Variants in ATXN2 observed in about 807,000 individuals in gnomAD.
ATXN2 encodes ataxin-2.
A neutral mutation model predicts 138.6 loss-of-function variants in ATXN2; 37 were observed. The observed-to-expected ratio is 0.27, with a 90% CI of 0.21 to 0.35. ATXN2 has a LOEUF of 0.35. Ranked by LOEUF, ATXN2 falls within the 10% of genes least tolerant of loss-of-function variation. ATXN2 has a pLI of 1.00. For synonymous variants in ATXN2, 549 were observed against 543.7 expected, an observed-to-expected ratio of 1.01 and a Z score of -0.13; for missense variants, 1,216 against 1,480.3, an observed-to-expected ratio of 0.82 and a Z score of 2.93.
At chr12:111,588,991 C>CAAAAAAAAAAAAAAAAAAA (rs58116265) in intron 1 of ATXN2, among the ~76,000 whole-genome samples, 1 of 38,708 alleles carries the variant, frequency 2.6e-5, no homozygotes, top group African/African-American at 6.3e-5. Flanking sequence ...CGAGATTTCT[C>CAAAAAAAAAAAAAAAAAAA]AAAAAAAAAA....
In ATXN2 at chr12:111,567,868, T is replaced by C. The variant is rs542615446; in HGVS notation, c.252-11949A>G. ...CTGTCTTATTCACTGTGTTACTTAATTAACAAGCAAAACAATATACACAAA... is the reference window on the plus strand; with the variant it reads ...CTGTCTTATTCACTGTGTTACTTAACTAACAAGCAAAACAATATACACAAA... On this transcript the variant is annotated intron_variant, in intron 1 of 24. Coordinates refer to ENST00000673436, the MANE Select transcript of ATXN2 (RefSeq NM_001372574.1). Among the ~76,000 whole-genome samples the C allele has an allele frequency of 2.6e-5, 4 of 152,266 alleles. No homozygotes were observed. The South Asian group carries it at 8.3e-4, about 32-fold the overall frequency.
At chr12:111,493,351 T>TG (rs1878169178) in intron 14 of ATXN2, among the ~76,000 whole-genome samples, 1 of 140,066 alleles carries the variant, frequency 7.1e-6, no homozygotes. Context: ...ACCTGGGAGT[T>TG]GGAGGTTGTA....
chr12:111,492,356 C>G (rs1878090642), intron 14 of ATXN2, among the ~76,000 whole-genome samples: 1 of 152,164 alleles, frequency 6.6e-6, no homozygotes, highest in Admixed American at 6.6e-5. Flanking sequence ...GATGACAACA[C>G]TTAATTCCCT....
intron 1 of ATXN2, among the ~76,000 whole-genome samples, chr12:111,567,833 G>A (rs950734979): frequency 2.0e-5 from 3 of 152,050 alleles, no homozygotes; most frequent in African/African-American, 4.8e-5. Flanking sequence ...GTACATTTTC[G>A]TATGTTTGTC....
At chr12:111,478,706 TTGAAA>T (rs1470564369) in intron 18 of ATXN2, among the ~76,000 whole-genome samples, 1 of 152,134 alleles carries the variant, frequency 6.6e-6, no homozygotes, top group Non-Finnish European at 1.5e-5. Flanking sequence ...TTCTTATTAA[TTGAAA>T]TATGTATTTA....
intron 1 of ATXN2, chr12:111,597,823 G>C (rs745653435): frequency 1.5e-5 from 19 of 1,263,556 alleles, no homozygotes; most frequent in Non-Finnish European, 2.0e-5. Flanking sequence ...ATTGGGGCGG[G>C]GGTTGGGATA....
chr12:111,453,344 T>C lies in ATXN2; in HGVS notation c.3439+333A>G, dbSNP rs1451530720. 18 of 1,097,256 alleles carry C rather than the reference T, an allele frequency of 1.6e-5. No individual in the cohort carries two copies. The highest frequency in any genetic ancestry group is 6.1e-5 in the East Asian group (1 of 16,368). The allele number at this position is 1,097,256 out of a possible 1,614,324, so 68.0% of individuals were successfully genotyped here. A position where few individuals can be genotyped will look rare whatever the true frequency, so the allele number is the denominator to read the frequency against. On this transcript the variant is annotated intron_variant, in intron 24 of 24. Transcript: ENST00000673436. The surrounding 1 kb of genome is among the most constrained non-coding windows in gnomAD (Gnocchi z 5.4). ...AATAACCCCCCACATGTCAGACTTTTGGGACTCAGGAAGGAAAACACTGCC... is the reference window on the plus strand; with the variant it reads ...AATAACCCCCCACATGTCAGACTTTCGGGACTCAGGAAGGAAAACACTGCC...
chr12:111,542,352 TC>T (rs1256354746), intron 5 of ATXN2, among the ~76,000 whole-genome samples: 2 of 152,116 alleles, frequency 1.3e-5, no homozygotes, highest in East Asian at 3.9e-4. Context: ...TGCCTCAGCC[TC>T]CCAAGTAGCT....
At chr12:111,504,046 C>G (rs1878952708) in intron 14 of ATXN2, among the ~76,000 whole-genome samples, 1 of 152,156 alleles carries the variant, frequency 6.6e-6, no homozygotes, top group Admixed American at 6.5e-5. Flanking sequence ...TATGTTGCTC[C>G]TTCTTGGAAT....
chr12:111,593,584 G>T (rs1884786394), intron 1 of ATXN2, among the ~76,000 whole-genome samples: 1 of 148,678 alleles, frequency 6.7e-6, no homozygotes, highest in Non-Finnish European at 1.5e-5. Context: ...GAATCTTTAA[G>T]CAACTACAGG....
chr12:111,574,380 T>G (rs113660335), intron 1 of ATXN2, among the ~76,000 whole-genome samples: 2 of 151,366 alleles, frequency 1.3e-5, no homozygotes, highest in African/African-American at 4.8e-5. Context: ...ACAACTAAAT[T>G]CCCTGAATTC....
chr12:111,472,054 C>T (rs1876454056), intron 18 of ATXN2: 1 of 152,160 alleles, frequency 6.6e-6, no homozygotes, highest in Non-Finnish European at 1.5e-5. Context: ...TGCTTGAGCT[C>T]ATGAGTTTGG....
chr12:111,534,394 C>A (rs1881025247), intron 5 of ATXN2, among the ~76,000 whole-genome samples: 1 of 151,752 alleles, frequency 6.6e-6, no homozygotes, highest in South Asian at 2.1e-4. Flanking sequence ...AGAGTGAGAC[C>A]CCGTATATAA....
At position 111,599,303 on chromosome 12, in the gene ATXN2, G is replaced by C. The variant is rs879391188; in HGVS notation, c.-269C>G. The C allele has an allele frequency of 1.4e-5, 16 of 1,184,218 alleles. No homozygotes were observed. In the African/African-American group the frequency reaches 1.9e-4, roughly 14 times the overall value. 73.4% of individuals were successfully genotyped at this position (1,184,218 alleles called of 1,614,324 possible). On this transcript the variant is annotated 5_prime_UTR_variant, in exon 1 of 25. Transcript: ENST00000673436. ...GCTACCAAAACAGTCTGAGGCGGAGGGAGGCGAGCTCTGCCGGGAGGGAGG... is the reference window on the plus strand; with the variant it reads ...GCTACCAAAACAGTCTGAGGCGGAGCGAGGCGAGCTCTGCCGGGAGGGAGG...
At position 111,539,029 on chromosome 12, in the gene ATXN2, C is replaced by T. The variant is rs772354252; in HGVS notation, c.571+13251G>A. ...TTCCCACACTATCTCCTAAAAAGAT[C>T]AAAAGAAGTTTTAGAAAAGATTCCA... On this transcript the variant is annotated intron_variant, in intron 5 of 24. Coordinates refer to ENST00000673436, the MANE Select transcript of ATXN2 (RefSeq NM_001372574.1). 2.3e-4 allele frequency among the ~76,000 whole-genome samples: 34 copies of T among 150,164 alleles called. 1 individual carries two copies. Among genetic ancestry groups the T allele is most frequent in the Non-Finnish European group, 4.3e-4 (29 of 67,060 alleles).
At chr12:111,495,756 A>C (rs1878382447) in intron 14 of ATXN2, among the ~76,000 whole-genome samples, 1 of 152,196 alleles carries the variant, frequency 6.6e-6, no homozygotes, top group South Asian at 2.1e-4. Context: ...ACATATTTAC[A>C]GAACATTGTG....
chr12:111,588,220 T>TAAATAAATAAAA (rs1158535650), intron 1 of ATXN2, among the ~76,000 whole-genome samples: 3 of 151,152 alleles, frequency 2.0e-5, no homozygotes, highest in African/African-American at 7.3e-5. Flanking sequence ...AATAAATAAA[T>TAAATAAATAAAA]AAAACAAATT....
At position 111,516,247 on chromosome 12, in the gene ATXN2, G is replaced by A. The variant is rs1417399553; in HGVS notation, c.1282C>T (p.Pro428Ser). The A allele has an allele frequency of 1.9e-6, 3 of 1,568,360 alleles. No homozygotes were observed. Among genetic ancestry groups the A allele is most frequent in the Non-Finnish European group, 2.6e-6 (3 of 1,163,564 alleles). Reference sequence around the variant, plus strand: ...GGGGGTCTGGATGGCCGCGAGGGGGGCCTGGAGGGCGGCCGTGTAGGGGTG... The same window carrying A: ...GGGGGTCTGGATGGCCGCGAGGGGGACCTGGAGGGCGGCCGTGTAGGGGTG... ...AATPTRPPSRPPSRPSRPPSH... is the reference protein window; with the variant it reads ...AATPTRPPSRSPSRPSRPPSH... Residue 428 changes from proline to serine, a missense_variant, in exon 10 of 25, where the codon CCC becomes TCC. By Grantham distance (74) the Pro-to-Ser change is moderately conservative. Around this residue, in one of 4 missense-constraint regions of ATXN2, gnomAD observed 401 missense variants for 528.1 expected, o/e 0.76. Coordinates refer to ENST00000673436, the MANE Select transcript of ATXN2 (RefSeq NM_001372574.1). This position sits in a 1 kb window ranked among gnomAD's most constrained non-coding sequence, Gnocchi z 5.0.
intron 14 of ATXN2, among the ~76,000 whole-genome samples, chr12:111,490,595 C>T (rs772132948): frequency 1.6e-4 from 24 of 152,132 alleles, no homozygotes; most frequent in South Asian, 4.1e-4. Context: ...TCATCCCCAA[C>T]AAGGAGCACC....
Sources: gnomAD v4.1 joint callset for allele counts (sites outside exome capture counted in the v4.1 genomes callset) on GRCh38, gnomAD v4.1.1 for gene constraint, gnomAD v4.1.1 regional missense constraint, Gnocchi (gnomAD v3.1) non-coding constraint, MANE v1.5 for transcripts, NCBI Gene and HGNC (gene_info 2026-07-23, HGNC 2026-07-21) for gene names.